The following FAAH2 variants were observed in gnomAD, a reference collection of about 807,000 sequenced individuals.
The protein encoded by FAAH2 is fatty acid amide hydrolase 2, also known as fatty-acid amide hydrolase 2.
FAAH2 carries 60 observed loss-of-function variants against 36.9 expected under a neutral mutation model. That is an observed-to-expected ratio of 1.63 (90% confidence interval 1.32 to 2.02). FAAH2 has a LOEUF of 2.02. FAAH2 is among the 30% of genes most tolerant of loss of function. The probability of loss-of-function intolerance (pLI) is 0.00; values close to 1 mark genes in which losing one functional copy is unlikely to be tolerated. For synonymous variants in FAAH2, 214 were observed against 143.8 expected, an observed-to-expected ratio of 1.49 and a Z score of -3.49; for missense variants, 689 against 397.5, an observed-to-expected ratio of 1.73 and a Z score of -6.23.
At chrX:57,126,962 A>G in the FAAH2 span, 1 of 111,639 alleles carries the variant, frequency 9.0e-6, no homozygotes. Context: ...TGAAGATGGA[A>G]GAAGAGAGAA....
chrX:57,405,325 G>T (rs1022425067), intron 7 of FAAH2, among the ~76,000 whole-genome samples: 1 of 111,130 alleles, frequency 9.0e-6, no homozygotes, highest in Non-Finnish European at 1.9e-5. Context: ...ATGGAATGTT[G>T]CACCATGCAG....
At chrX:57,402,053 G>A (rs1448983302) in intron 7 of FAAH2, among the ~76,000 whole-genome samples, 2 of 111,509 alleles carry the variant, frequency 1.8e-5, no homozygotes, top group Non-Finnish European at 3.8e-5. Flanking sequence ...AGAAGGCTCT[G>A]CCAATGTTCA....
chrX:57,229,732 C>T, the FAAH2 span, among the ~76,000 whole-genome samples: 1 of 111,334 alleles, frequency 9.0e-6, no homozygotes, highest in African/African-American at 3.3e-5. Flanking sequence ...ACACCAAACC[C>T]CCACTTTCCA....
intron 8 of FAAH2, among the ~76,000 whole-genome samples, chrX:57,441,329 G>C (rs1386164876): frequency 9.0e-6 from 1 of 111,206 alleles, no homozygotes; most frequent in Non-Finnish European, 1.9e-5. Flanking sequence ...TTTAGTCTTG[G>C]GAGGGTGTGT....
At chrX:57,162,329 A>G in the FAAH2 span, among the ~76,000 whole-genome samples, 1 of 110,883 alleles carries the variant, frequency 9.0e-6, no homozygotes, top group Non-Finnish European at 1.9e-5. Context: ...GAATCTGACA[A>G]TTATGTTTCT....
rs936881196 is a variant in FAAH2, at chrX:57,286,773, C to T, written c.-53C>T. ...TGCTTAGTACTTTTCTCGTCCTTTC[C>T]CCAGGGTGCACGTAACCCTCAAGCA... On this transcript the variant is annotated 5_prime_UTR_variant, in exon 1 of 11. Coordinates refer to ENST00000374900, the MANE Select transcript of FAAH2 (RefSeq NM_174912.4). 5.8e-6 allele frequency: 6 copies of T among 1,041,083 alleles called. No individual in the cohort carries two copies. The highest frequency in any genetic ancestry group is 7.5e-6 in the Non-Finnish European group (6 of 801,086). 85.8% of individuals were successfully genotyped at this position (1,041,083 alleles called of 1,213,427 possible).
chrX:57,282,696 C>A (rs1024552618), upstream of FAAH2, among the ~76,000 whole-genome samples: 3 of 111,767 alleles, frequency 2.7e-5, no homozygotes, highest in East Asian at 2.8e-4. Context: ...ACAGTATTTT[C>A]GGTGTTGAAA....
chrX:57,271,613 C>T, the FAAH2 span, among the ~76,000 whole-genome samples: 2 of 111,819 alleles, frequency 1.8e-5, no homozygotes, highest in African/African-American at 6.5e-5. Context: ...CTGGTGATAC[C>T]CAGGGAAACA....
At chrX:57,291,030 A>C (rs1193195404) in intron 1 of FAAH2, among the ~76,000 whole-genome samples, 1 of 112,312 alleles carries the variant, frequency 8.9e-6, no homozygotes, top group East Asian at 2.8e-4. Flanking sequence ...TTGGGATTTA[A>C]GATTTGCTTT....
the FAAH2 span, among the ~76,000 whole-genome samples, chrX:57,236,144 G>T: frequency 3.6e-5 from 4 of 111,668 alleles, no homozygotes; most frequent in African/African-American, 1.3e-4. Flanking sequence ...TGTCCTTTAG[G>T]TTGATCCCTT....
At chrX:57,294,710 C>T (rs1211211809) in intron 2 of FAAH2, among the ~76,000 whole-genome samples, 1 of 111,454 alleles carries the variant, frequency 9.0e-6, no homozygotes, top group Admixed American at 9.5e-5. Context: ...TTTCCCTTTC[C>T]CCACCTCTCC....
intron 8 of FAAH2, among the ~76,000 whole-genome samples, chrX:57,442,064 G>C (rs745713184): frequency 3.6e-5 from 4 of 111,771 alleles, no homozygotes; most frequent in Non-Finnish European, 7.5e-5. Context: ...GTGATGTGGT[G>C]CTGAGAATAA....
the FAAH2 span, among the ~76,000 whole-genome samples, chrX:57,132,979 A>C: frequency 9.0e-6 from 1 of 111,641 alleles, no homozygotes; most frequent in African/African-American, 3.3e-5. Context: ...GCCTCAGCAC[A>C]TGCTGTCCCT....
chrX:57,469,527 T>A (rs937195766), intron 10 of FAAH2, among the ~76,000 whole-genome samples: 17 of 111,948 alleles, frequency 1.5e-4, no homozygotes, highest in African/African-American at 5.2e-4. Flanking sequence ...AAAAAAGTGA[T>A]CAATTCAATA....
At chrX:57,434,053 CT>C (rs1364762296) in intron 8 of FAAH2, among the ~76,000 whole-genome samples, 2 of 108,223 alleles carry the variant, frequency 1.8e-5, no homozygotes, top group South Asian at 4.0e-4. Context: ...AAAATATTGA[CT>C]TTAAAAAAGG....
chrX:57,310,450 T>C (rs1247005139), intron 2 of FAAH2, 143 bp from the exon 3 acceptor site: 1 of 592,477 alleles, frequency 1.7e-6, no homozygotes, highest in Non-Finnish European at 2.4e-6. Context: ...CTGGCTCAAA[T>C]GGTCAGCTTT....
At chrX:57,214,436 T>C in the FAAH2 span, among the ~76,000 whole-genome samples, 1 of 111,608 alleles carries the variant, frequency 9.0e-6, no homozygotes, top group African/African-American at 3.3e-5. Flanking sequence ...ATTTATTTTT[T>C]TTCTTTTTGA....
the FAAH2 span, among the ~76,000 whole-genome samples, chrX:57,268,064 G>GA: frequency 8.9e-6 from 1 of 112,101 alleles, no homozygotes; most frequent in South Asian, 3.7e-4. Flanking sequence ...TGAGCTATAG[G>GA]AGTACACTGT....
chrX:57,431,980 G>T lies in FAAH2; in HGVS notation c.1059G>T (p.Met353Ile). 1 of 1,206,955 alleles carries T rather than the reference G, an allele frequency of 8.3e-7. No homozygotes were observed. Among genetic ancestry groups the T allele is most frequent in the Non-Finnish European group, 1.1e-6 (1 of 892,845 alleles). The change falls in exon 8 of 11, where the codon ATG becomes ATT. Residue 353 changes from methionine (M) to isoleucine (I), a missense_variant. Physicochemically the swap from Met to Ile is conservative, Grantham distance 10. Coordinates refer to ENST00000374900, the MANE Select transcript of FAAH2 (RefSeq NM_174912.4). ...TTCAACATGTTAAACTGAAGAAAAT[G>T]AAGTACTCTTTTCAGTTGTGGATCG... ...ASVQHVKLKK[M>I]KYSFQLWIAM...
Sources: gnomAD v4.1 joint callset for allele counts (sites outside exome capture counted in the v4.1 genomes callset) on GRCh38, gnomAD v4.1.1 for gene constraint, MANE v1.5 for transcripts, NCBI Gene and HGNC (gene_info 2026-07-23, HGNC 2026-07-21) for gene names.